PCDH7: variants seen among roughly 807,000 people sequenced by gnomAD.
PCDH7 encodes the protein protocadherin-7.
Under a neutral mutation model 58.9 loss-of-function variants are expected in PCDH7, and 17 were observed. That is an observed-to-expected ratio of 0.29 (90% CI 0.20 to 0.43). PCDH7 has a LOEUF of 0.43. PCDH7 is among the 20% of genes least tolerant of loss of function. The probability of loss-of-function intolerance (pLI) is 1.00; values close to 1 mark genes in which losing one functional copy is unlikely to be tolerated. For missense variants in PCDH7, 1,274 were observed against 1,441.0 expected (o/e 0.88, Z 1.88); for synonymous variants, 664 against 616.4 (o/e 1.08, Z -1.14).
chr4:30,922,955 G>T (rs989834127), intron 2 of PCDH7, among the ~76,000 whole-genome samples: 1 of 152,090 alleles, frequency 6.6e-6, no homozygotes, highest in Non-Finnish European at 1.5e-5. Context: ...TTCATCTTCA[G>T]TATTAATGGA....
intron 1 of PCDH7, among the ~76,000 whole-genome samples, chr4:30,744,207 G>GT (rs1717466241): frequency 6.6e-6 from 1 of 152,022 alleles, no homozygotes; most frequent in East Asian, 1.9e-4. Flanking sequence ...AACACTGAAT[G>GT]TTTTTTCAAC....
At chr4:30,754,248 CATTAGA>C (rs1560334449) in intron 1 of PCDH7, among the ~76,000 whole-genome samples, 2 of 151,796 alleles carry the variant, frequency 1.3e-5, no homozygotes, top group African/African-American at 4.8e-5. Flanking sequence ...CACCATGACT[CATTAGA>C]AAATGTCCTG....
intron 3 of PCDH7, among the ~76,000 whole-genome samples, chr4:31,007,802 G>A (rs1752893258): frequency 6.6e-6 from 1 of 152,080 alleles, no homozygotes; most frequent in African/African-American, 2.4e-5. Context: ...ATCATTTGTA[G>A]TAGCTTTAGT....
At chr4:30,971,788 CCA>C (rs1749611400) in intron 3 of PCDH7, among the ~76,000 whole-genome samples, 2 of 152,026 alleles carry the variant, frequency 1.3e-5, no homozygotes, top group Non-Finnish European at 1.5e-5. Flanking sequence ...ATGGCAAAAC[CCA>C]GTCTCAACAA....
intron 3 of PCDH7, among the ~76,000 whole-genome samples, chr4:31,010,073 G>T (rs1753057774): frequency 1.3e-5 from 2 of 151,916 alleles, no homozygotes; most frequent in Non-Finnish European, 2.9e-5. Context: ...TGCCTTGTGG[G>T]TATAAACCTC....
At chr4:31,055,738 G>A (rs371143342) in intron 3 of PCDH7, among the ~76,000 whole-genome samples, 5 of 151,702 alleles carry the variant, frequency 3.3e-5, no homozygotes, top group Admixed American at 6.6e-5. Context: ...CACCATGCCC[G>A]GCTAATTTTT....
intron 1 of PCDH7, among the ~76,000 whole-genome samples, chr4:30,803,589 C>T (rs1217643813): frequency 1.3e-5 from 2 of 152,098 alleles, no homozygotes; most frequent in Non-Finnish European, 2.9e-5. Flanking sequence ...AGGTGCATAT[C>T]CCTATGCCCA....
intron 1 of PCDH7, among the ~76,000 whole-genome samples, chr4:30,730,185 A>G (rs1353102930): frequency 1.3e-5 from 2 of 151,916 alleles, no homozygotes; most frequent in Non-Finnish European, 2.9e-5. Context: ...TAAAGAGTGT[A>G]TAATCGATTT....
chr4:30,967,366 C>T (rs1445538561), intron 3 of PCDH7, among the ~76,000 whole-genome samples: 1 of 152,040 alleles, frequency 6.6e-6, no homozygotes, highest in Non-Finnish European at 1.5e-5. Context: ...ATAGAATTTT[C>T]TACATATTTA....
intron 1 of PCDH7, among the ~76,000 whole-genome samples, chr4:30,842,396 C>G (rs1043896139): frequency 3.4e-4 from 51 of 152,072 alleles, no homozygotes; most frequent in Non-Finnish European, 7.4e-4. Context: ...ATATCATGTT[C>G]TCTTTTGAAG....
At chr4:30,989,837 G>A (rs569588145) in intron 3 of PCDH7, among the ~76,000 whole-genome samples, 1 of 152,238 alleles carries the variant, frequency 6.6e-6, no homozygotes, top group East Asian at 1.9e-4. Context: ...GAGAGGGAGA[G>A]AGATTGAGAA....
chr4:30,853,259 A>G (rs1178821951), intron 1 of PCDH7, among the ~76,000 whole-genome samples: 2 of 152,146 alleles, frequency 1.3e-5, no homozygotes, highest in Admixed American at 6.6e-5. Flanking sequence ...GTGTTAATTT[A>G]TTCTCTAAAA....
rs111910676 is a variant in PCDH7, at chr4:30,921,102, A to C, written c.287+733A>C. ...GCAAATAGCACTTATAAAACTTTCC[A>C]CATTTGTTTATATTCCCAGAGATAA... On this transcript the variant is annotated intron_variant, in intron 2 of 3. Transcript: ENST00000509759. Among the ~76,000 whole-genome samples, 222 of 152,258 alleles carry C rather than the reference A, an allele frequency of 1.5e-3. 2 individuals are homozygous for C. The highest frequency in any genetic ancestry group is 3.1e-3 in the South Asian group (15 of 4,828).
chr4:30,778,182 A>G (rs1722318314), intron 1 of PCDH7, among the ~76,000 whole-genome samples: 1 of 152,162 alleles, frequency 6.6e-6, no homozygotes, highest in South Asian at 2.1e-4. Flanking sequence ...TCCATTAACA[A>G]AAAGTGAGCA....
At chr4:30,884,991 A>C (rs1737513280) in intron 1 of PCDH7, 1 of 152,152 alleles carries the variant, frequency 6.6e-6, no homozygotes, top group African/African-American at 2.4e-5. Context: ...ATAAAACGTA[A>C]ATAATTGCTA....
intron 3 of PCDH7, among the ~76,000 whole-genome samples, chr4:31,019,673 G>T (rs1410497218): frequency 6.6e-6 from 1 of 150,754 alleles, no homozygotes; most frequent in Non-Finnish European, 1.5e-5. Context: ...TGGGGACAGA[G>T]CGAGACTCTG....
intron 3 of PCDH7, among the ~76,000 whole-genome samples, chr4:30,988,173 A>T (rs200505440): frequency 6.6e-6 from 1 of 152,222 alleles, no homozygotes; most frequent in South Asian, 2.1e-4. Context: ...AACGTTAGAC[A>T]TCATGGTAGG....
At chr4:30,867,994 C>G (rs1279070232) in intron 1 of PCDH7, among the ~76,000 whole-genome samples, 1 of 151,904 alleles carries the variant, frequency 6.6e-6, no homozygotes, top group Non-Finnish European at 1.5e-5. Context: ...AAAAGAGGCT[C>G]AAATTTGAAG....
chr4:30,878,126 G>A (rs1345751155), intron 1 of PCDH7, among the ~76,000 whole-genome samples: 2 of 152,128 alleles, frequency 1.3e-5, no homozygotes, highest in African/African-American at 4.8e-5. Context: ...AAGGAGGAAT[G>A]TTATTTCTCT....
Sources: allele counts gnomAD v4.1 joint callset (sites outside exome capture counted in the v4.1 genomes callset), GRCh38; gene constraint gnomAD v4.1.1; transcripts MANE v1.5; gene names NCBI Gene and HGNC (gene_info 2026-07-23, HGNC 2026-07-21).